Variants in TPH2 observed in about 807,000 individuals in gnomAD.
TPH2 encodes tryptophan 5-hydroxylase 2.
Under a neutral mutation model 59.1 loss-of-function variants are expected in TPH2, and 27 were observed. The ratio of observed to expected loss-of-function variants is 0.46; its 90% CI spans 0.34 to 0.63. TPH2 has a LOEUF of 0.63. Among genes scored for constraint, TPH2 ranks in the 30% least tolerant of loss-of-function variants. TPH2 has a pLI of 0.01. For missense variants in TPH2, 523 were observed against 588.3 expected, an observed-to-expected ratio of 0.89 and a Z score of 1.15; for synonymous variants, 220 against 210.5, an observed-to-expected ratio of 1.05 and a Z score of -0.39.
intron 8 of TPH2, among the ~76,000 whole-genome samples, chr12:72,014,858 G>C (rs184818262): frequency 6.6e-6 from 1 of 152,266 alleles, no homozygotes; most frequent in East Asian, 1.9e-4. Flanking sequence ...TTGGATGAAC[G>C]ATGTTGGGAT....
chr12:71,969,026 G>C (rs1305034175), intron 5 of TPH2, among the ~76,000 whole-genome samples: 1 of 152,258 alleles, frequency 6.6e-6, no homozygotes, highest in African/African-American at 2.4e-5. Context: ...GCTCACGCCT[G>C]TAATCCCAGC....
rs76145661 is a variant in TPH2, at chr12:72,011,127, T to C, written c.1069-11272T>C. Among the ~76,000 whole-genome samples, 134 of 152,314 alleles carry C rather than the reference T, an allele frequency of 8.8e-4. 4 individuals carry two copies. The East Asian group carries it at 0.014, about 16-fold the overall frequency. On this transcript the variant is annotated intron_variant, in intron 8 of 10. Transcript: ENST00000333850. The stretch of plus-strand genomic sequence containing the variant: ...TTAGCTATTTCAAGGTAGCTAGTTA[T>C]GTAAGTTCAGCAAAGGGTCATTTGG...
At chr12:71,980,512 T>C (rs1416817483) in intron 7 of TPH2, among the ~76,000 whole-genome samples, 2 of 152,106 alleles carry the variant, frequency 1.3e-5, no homozygotes, top group Non-Finnish European at 2.9e-5. Flanking sequence ...ATTTTTTTTT[T>C]TAAGCTTTTT....
At chr12:71,985,433 C>T (rs1872404271) in intron 7 of TPH2, among the ~76,000 whole-genome samples, 3 of 152,256 alleles carry the variant, frequency 2.0e-5, no homozygotes, top group African/African-American at 7.2e-5. Context: ...GAGTCCCACT[C>T]TGTTGCCCGG....
At chr12:71,992,903 A>G (rs1212102458) in intron 7 of TPH2, among the ~76,000 whole-genome samples, 1 of 152,236 alleles carries the variant, frequency 6.6e-6, no homozygotes, top group Admixed American at 6.5e-5. Flanking sequence ...CCTATACCCT[A>G]AAATCCAGTG....
At chr12:71,989,847 T>C (rs1451544881) in intron 7 of TPH2, among the ~76,000 whole-genome samples, 1 of 152,190 alleles carries the variant, frequency 6.6e-6, no homozygotes, top group African/African-American at 2.4e-5. Flanking sequence ...GAGGCTCCTT[T>C]GTGGACCTGT....
intron 8 of TPH2, among the ~76,000 whole-genome samples, chr12:72,005,217 G>T (rs1347853237): frequency 6.6e-6 from 1 of 152,006 alleles, no homozygotes; most frequent in Non-Finnish European, 1.5e-5. Flanking sequence ...TGTGAGGGGG[G>T]TGCTCATCAT....
intron 8 of TPH2, among the ~76,000 whole-genome samples, chr12:72,006,337 C>A (rs1328894991): frequency 6.6e-6 from 1 of 152,056 alleles, no homozygotes; most frequent in African/African-American, 2.4e-5. Flanking sequence ...AGATTGGGTT[C>A]AACTCCTGAT....
intron 7 of TPH2, among the ~76,000 whole-genome samples, chr12:71,983,789 C>CAGAG (rs992820014): frequency 7.3e-6 from 1 of 136,264 alleles, no homozygotes; most frequent in Non-Finnish European, 1.6e-5. Flanking sequence ...GAGAGAGAGA[C>CAGAG]AGAGAGAGAG....
At chr12:71,973,053 T>C (rs1308312096) in intron 6 of TPH2, among the ~76,000 whole-genome samples, 1 of 152,212 alleles carries the variant, frequency 6.6e-6, no homozygotes, top group Non-Finnish European at 1.5e-5. Context: ...AAGTGCCTTT[T>C]TATTTGCTTT....
chr12:72,011,250 A>T (rs942990194), intron 8 of TPH2, among the ~76,000 whole-genome samples: 4 of 152,228 alleles, frequency 2.6e-5, no homozygotes, highest in African/African-American at 9.6e-5. Context: ...CTAAGGTCCA[A>T]TGAGTGAGAC....
chr12:72,000,101 A>C (rs1021253447), intron 8 of TPH2, among the ~76,000 whole-genome samples: 3 of 152,192 alleles, frequency 2.0e-5, no homozygotes. Flanking sequence ...AAAACCCATT[A>C]ATGAGGGAGG....
At chr12:71,946,611 C>T (rs778611914) in intron 4 of TPH2, among the ~76,000 whole-genome samples, 1 of 152,126 alleles carries the variant, frequency 6.6e-6, no homozygotes, top group Non-Finnish European at 1.5e-5. Flanking sequence ...ACCAAATGTT[C>T]ATTATACAGA....
At position 71,978,894 on chromosome 12, in the gene TPH2, T is replaced by A. The variant is rs139370722; in HGVS notation, c.806-58T>A. On this transcript the variant is annotated intron_variant, in intron 6 of 10. Coordinates refer to ENST00000333850, the MANE Select transcript of TPH2 (RefSeq NM_173353.4). The stretch of plus-strand genomic sequence containing the variant: ...CTTATAAATAGTAGAAGCTCCTGCT[T>A]GGGCCCTCAAGTCTTGCTGGGTTAA... 158 of 1,609,974 alleles carry A rather than the reference T, an allele frequency of 9.8e-5. No homozygotes were observed. In the African/African-American group the frequency reaches 2.0e-3, roughly 21 times the overall value.
At chr12:72,022,616 AT>A in intron 9 of TPH2, 122 bp downstream of exon 9, 1 of 858,300 alleles carries the variant, frequency 1.2e-6, no homozygotes, top group South Asian at 1.4e-5. Context: ...AACATAGAGG[AT>A]TTGGCACCTC....
At chr12:72,016,915 G>A (rs1246365926) in intron 8 of TPH2, among the ~76,000 whole-genome samples, 1 of 152,134 alleles carries the variant, frequency 6.6e-6, no homozygotes, top group Non-Finnish European at 1.5e-5. Context: ...AAGAGGCTAT[G>A]TAATTATTTC....
intron 8 of TPH2, among the ~76,000 whole-genome samples, chr12:72,002,091 T>C (rs1217550415): frequency 2.0e-5 from 3 of 152,212 alleles, no homozygotes; most frequent in Non-Finnish European, 2.9e-5. Context: ...GTAAGTGAGA[T>C]AAATGGACAG....
chr12:71,994,435 T>C lies in TPH2; in HGVS notation c.942-4T>C, dbSNP rs527300788. 6.2e-7 allele frequency: 1 copy of C among 1,613,854 alleles called. No homozygotes were observed. The highest frequency in any genetic ancestry group is 1.3e-5 in the African/African-American group (1 of 75,046). ...ACACGTCTTTGTGATGTCTTTTTTG[T>C]CAGAGACACATGCCATGAACTCTTG... On this transcript the variant is annotated splice_region_variant and splice_polypyrimidine_tract_variant and intron_variant, in intron 7 of 10. Coordinates refer to ENST00000333850, the MANE Select transcript of TPH2 (RefSeq NM_173353.4).
intron 7 of TPH2, among the ~76,000 whole-genome samples, chr12:71,989,417 G>T (rs114683991): frequency 6.6e-6 from 1 of 152,116 alleles, no homozygotes. Flanking sequence ...GCTGAAAAAC[G>T]CACCCTATTT....
Sources: gnomAD v4.1 joint callset for allele counts (sites outside exome capture counted in the v4.1 genomes callset) on GRCh38, gnomAD v4.1.1 for gene constraint, MANE v1.5 for transcripts, NCBI Gene and HGNC (gene_info 2026-07-23, HGNC 2026-07-21) for gene names.